FBXO11: variants seen among roughly 807,000 people sequenced by gnomAD.
FBXO11 encodes the protein F-box protein 11.
FBXO11 carries 13 observed loss-of-function variants against 117.0 expected under a neutral mutation model. The observed-to-expected ratio is 0.11, with a 90% CI of 0.07 to 0.18. The LOEUF is 0.18. Among genes scored for constraint, FBXO11 ranks in the 10% least tolerant of loss-of-function variants. FBXO11 has a pLI of 1.00. For synonymous variants in FBXO11, 490 were observed against 380.5 expected, an observed-to-expected ratio of 1.29 and a Z score of -3.35; for missense variants, 767 against 1,164.4, an observed-to-expected ratio of 0.66 and a Z score of 4.97.
intron 1 of FBXO11, among the ~76,000 whole-genome samples, chr2:47,895,621 T>C (rs1243482604): frequency 6.6e-6 from 1 of 152,220 alleles, no homozygotes; most frequent in Non-Finnish European, 1.5e-5. Context: ...ACACGGATGA[T>C]TTGTGCACTT....
At position 47,825,318 on chromosome 2, in the gene FBXO11, G is replaced by A. The variant is rs191911916; in HGVS notation, c.1399-1958C>T. Among the ~76,000 whole-genome samples the A allele has an allele frequency of 1.1e-3, 162 of 151,824 alleles. 1 individual carries two copies. Among genetic ancestry groups the A allele is most frequent in the Admixed American group, 2.9e-3 (44 of 15,236 alleles). On this transcript the variant is annotated intron_variant, in intron 11 of 22. Coordinates refer to ENST00000403359, the MANE Select transcript of FBXO11 (RefSeq NM_001190274.2). ...AATCAGGAGCTATATAAAAGATAGC[G>A]TCTTCAAATATAAAACTTTTTCTTT... is the stretch of plus-strand genomic sequence containing the variant.
chr2:47,827,034 A>C (rs1240533291), intron 11 of FBXO11, among the ~76,000 whole-genome samples: 1 of 152,236 alleles, frequency 6.6e-6, no homozygotes, highest in Non-Finnish European at 1.5e-5. Flanking sequence ...TGTATTAATA[A>C]ATTAGGTTAA....
rs17038477 is a variant in FBXO11 at position 47,883,701 on chromosome 2, T to A, written c.232+21788A>T. 2,542 of 269,934 alleles carry A rather than the reference T, an allele frequency of 9.4e-3. 70 individuals are homozygous for A. The highest frequency in any genetic ancestry group is 0.054 in the African/African-American group (2,389 of 44,512). The allele number at this position is 269,934 out of a possible 1,614,324, so 16.7% of individuals were successfully genotyped here. ...TGATGTTATCAAGGAAGAATTCTTA[T>A]ACAACTCCCAAGAAGAATAAGCACG... is the stretch of plus-strand genomic sequence containing the variant. On this transcript the variant is annotated intron_variant, in intron 1 of 22. Transcript: ENST00000403359.
chr2:47,862,888 CTACTAAAAG>C (rs1674887231), intron 1 of FBXO11, among the ~76,000 whole-genome samples: 1 of 151,984 alleles, frequency 6.6e-6, no homozygotes, highest in African/African-American at 2.4e-5. Flanking sequence ...AACCCCATCT[CTACTAAAAG>C]TACAAAAATT....
chr2:47,816,166 C>A (rs1053706313), intron 16 of FBXO11, among the ~76,000 whole-genome samples: 4 of 152,072 alleles, frequency 2.6e-5, no homozygotes, highest in Non-Finnish European at 5.9e-5. Flanking sequence ...CAGGGCATAA[C>A]TGCAATTTTT....
At chr2:47,877,590 G>A (rs536422432) in intron 1 of FBXO11, among the ~76,000 whole-genome samples, 28 of 152,254 alleles carry the variant, frequency 1.8e-4, no homozygotes, top group Admixed American at 5.9e-4. Context: ...GTTGCATGGT[G>A]TGTGTGTATC....
chr2:47,871,337 G>C (rs1008142538), intron 1 of FBXO11, among the ~76,000 whole-genome samples: 1 of 152,138 alleles, frequency 6.6e-6, no homozygotes, highest in East Asian at 1.9e-4. Flanking sequence ...CAACAGCTAC[G>C]TGAATGAGAC....
At chr2:47,881,026 G>A (rs924533152) in intron 1 of FBXO11, among the ~76,000 whole-genome samples, 2 of 152,156 alleles carry the variant, frequency 1.3e-5, no homozygotes, top group African/African-American at 2.4e-5. Flanking sequence ...AGGCTGAGGT[G>A]GGCAGATCAC....
chr2:47,903,179 T>C (rs1678429468), intron 1 of FBXO11, among the ~76,000 whole-genome samples: 2 of 152,214 alleles, frequency 1.3e-5, no homozygotes, highest in African/African-American at 2.4e-5. Context: ...TTTTTCCATA[T>C]GGCTGGCAAC....
At chr2:47,873,492 A>G (rs2103845602) in intron 1 of FBXO11, among the ~76,000 whole-genome samples, 1 of 151,868 alleles carries the variant, frequency 6.6e-6, no homozygotes, top group South Asian at 2.1e-4. Flanking sequence ...GTTCTTTGGC[A>G]TGATTTGGAT....
intron 11 of FBXO11, 51 bp downstream of exon 11, chr2:47,832,298 A>C (rs745992004): frequency 2.0e-6 from 3 of 1,477,800 alleles, no homozygotes; most frequent in Non-Finnish European, 2.7e-6. Flanking sequence ...ACATACTTGG[A>C]ATTTAACTGA....
intron 1 of FBXO11, among the ~76,000 whole-genome samples, chr2:47,901,260 A>G (rs1678280911): frequency 6.6e-6 from 1 of 150,746 alleles, no homozygotes; most frequent in Non-Finnish European, 1.5e-5. Context: ...TTTTTATTCT[A>G]CAAGATTAGC....
chr2:47,882,796 C>T (rs926091847), intron 1 of FBXO11, among the ~76,000 whole-genome samples: 1 of 152,152 alleles, frequency 6.6e-6, no homozygotes, highest in African/African-American at 2.4e-5. Context: ...GGACTACAGA[C>T]GTAAGCCACC....
intron 1 of FBXO11, among the ~76,000 whole-genome samples, chr2:47,879,476 A>G (rs557730255): frequency 6.6e-6 from 1 of 152,314 alleles, no homozygotes; most frequent in East Asian, 1.9e-4. Context: ...TAATCATTGT[A>G]GTTTTAACTT....
Position 47,905,903 on chromosome 2 carries a change from G to A in FBXO11, c.-183C>T, listed in dbSNP as rs191012371. 7.5e-6 allele frequency: 5 copies of A among 669,306 alleles called. No individual in the cohort carries two copies. The highest frequency in any genetic ancestry group is 5.7e-5 in the African/African-American group (3 of 53,062). The allele number at this position is 669,306 out of a possible 1,614,324, so 41.5% of individuals were successfully genotyped here. On this transcript the variant is annotated 5_prime_UTR_variant, in exon 1 of 23. Transcript: ENST00000403359. The stretch of plus-strand genomic sequence containing the variant: ...GGACCCCGAGTCCGGAGAAAGGCCC[G>A]GGTAGACAGACGGAGACCGAGCGAG...
At chr2:47,812,995 T>G (rs1670730086) in intron 18 of FBXO11, 1 of 510,026 alleles carries the variant, frequency 2.0e-6, no homozygotes, top group South Asian at 2.1e-5. Context: ...GTAAACAAAT[T>G]CTATCTTTAA....
chr2:47,813,705 T>C (rs1670796803), intron 17 of FBXO11, 86 bp downstream of exon 17: 2 of 1,125,886 alleles, frequency 1.8e-6, no homozygotes, highest in Admixed American at 3.8e-5. Flanking sequence ...AGTGCTGGGA[T>C]TACAGGCGTG....
In FBXO11 at chr2:47,807,352, T is replaced by TCC; in HGVS notation, c.*764_*765dup. On this transcript the variant is annotated 3_prime_UTR_variant, in exon 23 of 23. Transcript: ENST00000403359. ...AAGAATACTTTTGTTTTACAGTGCATCCCTTCCTAGGAAGTCTCATTAAAA... is the reference window on the plus strand; with the variant it reads ...AAGAATACTTTTGTTTTACAGTGCATCCCCCTTCCTAGGAAGTCTCATTAAAA... The TCC allele has an allele frequency of 4.7e-6, 1 of 211,936 alleles. No homozygotes were observed. The highest frequency in any genetic ancestry group is 2.3e-5 in the African/African-American group (1 of 44,046). The allele number at this position is 211,936 out of a possible 1,614,324, so 13.1% of individuals were successfully genotyped here.
chr2:47,826,868 C>G (rs778466622), intron 11 of FBXO11, among the ~76,000 whole-genome samples: 1 of 151,858 alleles, frequency 6.6e-6, no homozygotes, highest in Non-Finnish European at 1.5e-5. Flanking sequence ...CAAGTTCAAG[C>G]GATTCTCCTG....
Sources: gnomAD v4.1 joint callset for allele counts (sites outside exome capture counted in the v4.1 genomes callset) on GRCh38, gnomAD v4.1.1 for gene constraint, MANE v1.5 for transcripts, NCBI Gene and HGNC (gene_info 2026-07-23, HGNC 2026-07-21) for gene names.